Variants in CSMD1 observed in about 807,000 individuals in gnomAD.
CSMD1 encodes CUB and Sushi multiple domains 1.
Under a neutral mutation model 417.5 loss-of-function variants are expected in CSMD1, and 213 were observed. The ratio of observed to expected loss-of-function variants is 0.51; its 90% confidence interval spans 0.46 to 0.57. The LOEUF (loss-of-function observed/expected upper bound fraction) is 0.57, where lower values mean the gene tolerates loss of function less well. Ranked by LOEUF, CSMD1 falls within the 20% of genes least tolerant of loss-of-function variation. The pLI is 0.00. For synonymous variants in CSMD1, 2,862 were observed against 1,736.8 expected (o/e 1.65, Z -16.11); for missense variants, 6,923 against 4,529.7 (o/e 1.53, Z -15.17).
chr8:4,649,925 G>T (rs866091921), intron 1 of CSMD1, among the ~76,000 whole-genome samples: 1 of 152,182 alleles, frequency 6.6e-6, no homozygotes, highest in Non-Finnish European at 1.5e-5. Context: ...TGATGCACAG[G>T]TTGTGCACTG....
chr8:4,036,160 G>A (rs1380919109), intron 3 of CSMD1, among the ~76,000 whole-genome samples: 2 of 152,162 alleles, frequency 1.3e-5, no homozygotes, highest in Admixed American at 6.5e-5. Flanking sequence ...CAAAACTTGG[G>A]TTTGTGTAAG....
At chr8:3,200,380 C>G (rs964897181) in intron 32 of CSMD1, among the ~76,000 whole-genome samples, 1 of 151,712 alleles carries the variant, frequency 6.6e-6, no homozygotes, top group African/African-American at 2.4e-5. Context: ...CATGGGGAAA[C>G]CACGTCTCTA....
At chr8:3,625,637 A>G (rs1181035355) in intron 7 of CSMD1, among the ~76,000 whole-genome samples, 16 of 152,170 alleles carry the variant, frequency 1.1e-4, no homozygotes, top group Admixed American at 1.0e-3. Flanking sequence ...GTCCTAAAAT[A>G]TATAAATGAT....
intron 3 of CSMD1, among the ~76,000 whole-genome samples, chr8:4,145,935 A>G (rs1804086610): frequency 1.3e-5 from 2 of 150,944 alleles, no homozygotes; most frequent in Admixed American, 1.3e-4. Context: ...ATTGTTTGTA[A>G]GACTGACCAC....
chr8:4,643,278 C>G (rs1803319304), intron 1 of CSMD1, among the ~76,000 whole-genome samples: 1 of 152,192 alleles, frequency 6.6e-6, no homozygotes, highest in Non-Finnish European at 1.5e-5. Flanking sequence ...AGTGTCGATC[C>G]TTTTACTACA....
chr8:3,885,842 G>C (rs1046590569), intron 5 of CSMD1, among the ~76,000 whole-genome samples: 15 of 152,074 alleles, frequency 9.9e-5, no homozygotes, highest in African/African-American at 3.6e-4. Context: ...CCTGGCAAAC[G>C]TCTCTGTGAA....
At chr8:4,654,266 A>G (rs1384713267) in intron 1 of CSMD1, among the ~76,000 whole-genome samples, 3 of 152,122 alleles carry the variant, frequency 2.0e-5, no homozygotes, top group African/African-American at 7.3e-5. Flanking sequence ...CAGTTCAGGC[A>G]AATCTCAAAT....
intron 41 of CSMD1, among the ~76,000 whole-genome samples, chr8:3,134,567 C>T (rs867318313): frequency 1.8e-4 from 27 of 152,148 alleles, no homozygotes; most frequent in African/African-American, 6.0e-4. Context: ...TAGGGATGGT[C>T]GAGTGGTTTT....
chr8:3,908,651 G>T (rs544926763), intron 5 of CSMD1, among the ~76,000 whole-genome samples: 65 of 152,144 alleles, frequency 4.3e-4, no homozygotes, highest in Admixed American at 1.1e-3. Flanking sequence ...TTTTGTAATT[G>T]CTCTGCAGGG....
chr8:4,534,328 T>G (rs1280448106), intron 2 of CSMD1, among the ~76,000 whole-genome samples: 1 of 152,246 alleles, frequency 6.6e-6, no homozygotes, highest in African/African-American at 2.4e-5. Flanking sequence ...CCCTACTCTC[T>G]GGCTTACTTT....
At chr8:3,979,762 T>C (rs796629022) in intron 5 of CSMD1, among the ~76,000 whole-genome samples, 32 of 152,282 alleles carry the variant, frequency 2.1e-4, no homozygotes, top group African/African-American at 7.5e-4. Flanking sequence ...CTGTGAGAAA[T>C]AAGTGTGTGT....
At chr8:4,064,689 GC>G (rs1799152904) in intron 3 of CSMD1, among the ~76,000 whole-genome samples, 1 of 152,280 alleles carries the variant, frequency 6.6e-6, no homozygotes, top group African/African-American at 2.4e-5. Flanking sequence ...CACTGCTGCT[GC>G]CCTGGCGTGT....
chr8:3,799,947 G>T (rs773246247), intron 5 of CSMD1, among the ~76,000 whole-genome samples: 1 of 152,046 alleles, frequency 6.6e-6, no homozygotes, highest in Admixed American at 6.6e-5. Flanking sequence ...ATCAATAATG[G>T]AATAATGAAA....
At chr8:3,202,922 A>C (rs1689961819) in intron 31 of CSMD1, among the ~76,000 whole-genome samples, 1 of 152,130 alleles carries the variant, frequency 6.6e-6, no homozygotes, top group Non-Finnish European at 1.5e-5. Context: ...TGCTCTAAAA[A>C]CTTTTTTCAG....
chr8:4,330,396 C>T (rs1337507995), intron 3 of CSMD1, among the ~76,000 whole-genome samples: 1 of 152,012 alleles, frequency 6.6e-6, no homozygotes, highest in East Asian at 1.9e-4. Flanking sequence ...GGAGTTCAGA[C>T]CAGCCTGACC....
At chr8:4,154,825 T>C (rs978981805) in intron 3 of CSMD1, among the ~76,000 whole-genome samples, 1 of 152,052 alleles carries the variant, frequency 6.6e-6, no homozygotes, top group Non-Finnish European at 1.5e-5. Context: ...AGAGGCACGA[T>C]TATAAATTAG....
intron 3 of CSMD1, among the ~76,000 whole-genome samples, chr8:4,237,153 G>C (rs985378400): frequency 6.6e-6 from 1 of 152,136 alleles, no homozygotes; most frequent in Non-Finnish European, 1.5e-5. Flanking sequence ...AATTCTTACT[G>C]ATTGAAACTC....
intron 1 of CSMD1, among the ~76,000 whole-genome samples, chr8:4,734,488 T>A (rs1810098472): frequency 6.6e-6 from 1 of 152,222 alleles, no homozygotes; most frequent in Non-Finnish European, 1.5e-5. Context: ...CCAGAAGCTC[T>A]AAGATTTTTT....
chr8:4,887,898 T>C (rs1442628026), intron 1 of CSMD1, among the ~76,000 whole-genome samples: 1 of 152,076 alleles, frequency 6.6e-6, no homozygotes, highest in East Asian at 1.9e-4. Context: ...TTTCATTCTT[T>C]TACTTGAACA....
Sources: allele counts gnomAD v4.1 joint callset (sites outside exome capture counted in the v4.1 genomes callset), GRCh38; gene constraint gnomAD v4.1.1; transcripts MANE v1.5; gene names NCBI Gene and HGNC (gene_info 2026-07-23, HGNC 2026-07-21).